Variants in ACTA2 observed in about 807,000 individuals in gnomAD.
The protein encoded by ACTA2 is actin alpha 2, smooth muscle.
In ACTA2, 12 loss-of-function variants were observed where a neutral mutation model predicts 39.5. The observed-to-expected ratio is 0.30, with a 90% CI of 0.19 to 0.49. ACTA2 has a LOEUF of 0.49. Among genes scored for constraint, ACTA2 ranks in the 20% least tolerant of loss-of-function variants. ACTA2 has a pLI of 0.99. For synonymous variants in ACTA2, 158 were observed against 180.6 expected, an observed-to-expected ratio of 0.88 and a Z score of 1.00; for missense variants, 236 against 498.8, an observed-to-expected ratio of 0.47 and a Z score of 5.02.
chr10:88,983,931 C>T (rs181650830), intron 1 of ACTA2, among the ~76,000 whole-genome samples: 207 of 152,240 alleles, frequency 1.4e-3, no homozygotes, highest in African/African-American at 4.7e-3. Context: ...CCTCAGTTTA[C>T]TGTGATCAGA....
intron 1 of ACTA2, among the ~76,000 whole-genome samples, chr10:88,981,196 C>A (rs4934433): frequency 0.64 from 97,180 of 152,076 alleles, 32,105 homozygotes; most frequent in Non-Finnish European, 0.72. Flanking sequence ...GCCACATACT[C>A]GCTGTGTGCA....
chr10:88,966,607 C>T (rs4145760), intron 1 of ACTA2, among the ~76,000 whole-genome samples: 22,025 of 152,114 alleles, frequency 0.14, 2,454 homozygotes, highest in East Asian at 0.45. Context: ...GAAAGCATGA[C>T]TTAGACAGAG....
intron 3 of ACTA2, among the ~76,000 whole-genome samples, chr10:88,944,214 T>G (rs1845907123): frequency 6.6e-6 from 1 of 152,106 alleles, no homozygotes; most frequent in Non-Finnish European, 1.5e-5. Flanking sequence ...GCTCGGACAC[T>G]TCTTAGTTGT....
rs2133261262 is a variant in ACTA2 at position 88,943,818 on chromosome 10, G to A, written c.348C>T (p.Ala116=). The part of the protein sequence containing the change: ...LLTEAPLNPK[A]NREKMTQIMF... ...TTACTTGAGTCATTTTCTCCCGGTT[G>A]GCCTTGGGGTTCAGGGGTGCCTCCG... The change falls in exon 4 of 9, where the codon GCC becomes GCT. Residue 116 remains alanine, a synonymous_variant. Coordinates refer to ENST00000224784, the MANE Select transcript of ACTA2 (RefSeq NM_001613.4). The A allele has an allele frequency of 1.2e-6, 2 of 1,613,840 alleles. No individual in the cohort carries two copies. The highest frequency in any genetic ancestry group is 1.7e-6 in the Non-Finnish European group (2 of 1,179,804).
intron 6 of ACTA2, chr10:88,940,142 A>C (rs1845821157): frequency 8.0e-6 from 2 of 249,998 alleles, no homozygotes; most frequent in South Asian, 9.6e-5. Context: ...AATTTTCAAA[A>C]AGTCTGAGAT....
chr10:88,968,247 C>T (rs886262643), intron 1 of ACTA2, among the ~76,000 whole-genome samples: 1 of 152,176 alleles, frequency 6.6e-6, no homozygotes, highest in African/African-American at 2.4e-5. Context: ...ACTAACCAGA[C>T]ACCTAATTAT....
At position 88,935,166 on chromosome 10, in the gene ACTA2, A is replaced by G. The variant is rs1314901901; in HGVS notation, c.*57T>C. ...TGATTTGGAAAAGAACTGAAGGCAT[A>G]ATTCCACAGGACATTCACAGTTGTG... On this transcript the variant is annotated 3_prime_UTR_variant, in exon 9 of 9. Coordinates refer to ENST00000224784, the MANE Select transcript of ACTA2 (RefSeq NM_001613.4). 6.2e-7 allele frequency: 1 copy of G among 1,605,476 alleles called. No homozygotes were observed. Among genetic ancestry groups the G allele is most frequent in the Non-Finnish European group, 8.5e-7 (1 of 1,174,582 alleles).
At chr10:88,971,133 G>T (rs1432715592) in intron 1 of ACTA2, among the ~76,000 whole-genome samples, 1 of 152,096 alleles carries the variant, frequency 6.6e-6, no homozygotes, top group Non-Finnish European at 1.5e-5. Context: ...TTGTAGATTT[G>T]GGCAGAAAAA....
intron 1 of ACTA2, among the ~76,000 whole-genome samples, chr10:88,949,887 T>C (rs565127400): frequency 6.6e-6 from 1 of 152,274 alleles, no homozygotes; most frequent in Admixed American, 6.5e-5. Flanking sequence ...CATGGTTCTG[T>C]CATATTTTTT....
chr10:88,939,446 T>C, intron 7 of ACTA2, 61 bp downstream of exon 7: 2 of 1,604,922 alleles, frequency 1.2e-6, no homozygotes, highest in Non-Finnish European at 1.7e-6. Flanking sequence ...TTCTGGAGGC[T>C]GGCTTGATAT....
intron 1 of ACTA2, among the ~76,000 whole-genome samples, chr10:88,975,422 T>C (rs187206815): frequency 6.6e-6 from 1 of 152,196 alleles, no homozygotes; most frequent in Non-Finnish European, 1.5e-5. Context: ...AAAGTGTTTG[T>C]TTTTTTCTTA....
intron 1 of ACTA2, among the ~76,000 whole-genome samples, chr10:88,978,414 T>C (rs1203300654): frequency 3.3e-5 from 5 of 152,096 alleles, no homozygotes; most frequent in Admixed American, 3.3e-4. Flanking sequence ...AATAAATAAA[T>C]AAATAAATAA....
At chr10:88,943,641 C>T in intron 4 of ACTA2, 156 bp downstream of exon 4, 1 of 715,160 alleles carries the variant, frequency 1.4e-6, no homozygotes, top group Non-Finnish European at 2.5e-6. Context: ...TACTTTCAAG[C>T]TGTTCCTGTC....
chr10:88,980,466 C>T (rs188146049), intron 1 of ACTA2, among the ~76,000 whole-genome samples: 2 of 152,324 alleles, frequency 1.3e-5, no homozygotes. Flanking sequence ...ACGCATTTCA[C>T]AGGCAAAGAG....
intron 1 of ACTA2, among the ~76,000 whole-genome samples, chr10:88,987,550 A>C (rs1846939893): frequency 6.6e-6 from 1 of 152,206 alleles, no homozygotes; most frequent in African/African-American, 2.4e-5. Flanking sequence ...TTCACAACCA[A>C]CCACATCAGT....
chr10:88,948,975 C>G lies in ACTA2; in HGVS notation c.-23-22G>C, dbSNP rs201343300. 1,224 of 1,612,042 alleles carry G rather than the reference C, an allele frequency of 7.6e-4. 25 individuals are homozygous for G. The South Asian group carries it at 0.012, about 16-fold the overall frequency. On this transcript the variant is annotated intron_variant, in intron 1 of 8. Transcript: ENST00000224784. ...GATTCTATAGAAAACAGGGAGGAAG[C>G]AGCCTCAGCTGTAATTGGGCATTTG... is the stretch of plus-strand genomic sequence containing the variant.
intron 4 of ACTA2, among the ~76,000 whole-genome samples, chr10:88,942,138 C>T (rs975262349): frequency 6.6e-6 from 1 of 152,178 alleles, no homozygotes; most frequent in African/African-American, 2.4e-5. Context: ...GAAAGTCCAG[C>T]TTCTGGCTCT....
intron 1 of ACTA2, among the ~76,000 whole-genome samples, chr10:88,979,613 T>C (rs374431860): frequency 0.014 from 2,012 of 142,810 alleles, 26 homozygotes; most frequent in Non-Finnish European, 0.022. Context: ...TAATGATGAC[T>C]TTTTTTTTTT....
At chr10:88,965,615 G>GTCC (rs1303942206) in intron 1 of ACTA2, among the ~76,000 whole-genome samples, 1 of 151,958 alleles carries the variant, frequency 6.6e-6, no homozygotes, top group Non-Finnish European at 1.5e-5. Flanking sequence ...CAGAACAGAG[G>GTCC]TCCTCGGGCA....
Sources: allele counts gnomAD v4.1 joint callset (sites outside exome capture counted in the v4.1 genomes callset), GRCh38; gene constraint gnomAD v4.1.1; transcripts MANE v1.5; gene names NCBI Gene and HGNC (gene_info 2026-07-23, HGNC 2026-07-21).